Variants in FBN2 observed in about 807,000 individuals in gnomAD.
FBN2 encodes the protein fibrillin 2.
A neutral mutation model predicts 355.6 loss-of-function variants in FBN2; 105 were observed. The observed-to-expected ratio is 0.30, with a 90% CI of 0.25 to 0.35. The LOEUF is 0.35. FBN2 is among the 10% of genes least tolerant of loss of function. The pLI is 1.00. For missense variants in FBN2, 3,280 were observed against 3,758.7 expected (o/e 0.87, Z 3.33); for synonymous variants, 1,350 against 1,301.2 (o/e 1.04, Z -0.81).
At chr5:128,363,465 C>A (rs1209590005) in intron 18 of FBN2, among the ~76,000 whole-genome samples, 1 of 152,128 alleles carries the variant, frequency 6.6e-6, no homozygotes, top group East Asian at 1.9e-4. Context: ...ACTAGGATTA[C>A]AGGAGTGAGC....
chr5:128,418,544 T>A (rs1753264432), intron 7 of FBN2, among the ~76,000 whole-genome samples: 1 of 152,152 alleles, frequency 6.6e-6, no homozygotes, highest in African/African-American at 2.4e-5. Context: ...TATGTTGCGT[T>A]TCCATTGTCA....
At chr5:128,502,912 GAGA>G (rs1487359031) in intron 5 of FBN2, among the ~76,000 whole-genome samples, 2 of 152,142 alleles carry the variant, frequency 1.3e-5, no homozygotes, top group South Asian at 2.1e-4. Context: ...TTAACTCTTT[GAGA>G]AGAAGTGATA....
chr5:128,294,157 G>C (rs1417134965), intron 48 of FBN2, among the ~76,000 whole-genome samples: 1 of 152,134 alleles, frequency 6.6e-6, no homozygotes, highest in African/African-American at 2.4e-5. Context: ...TCCTTACAAA[G>C]GACATGAACT....
At chr5:128,295,343 T>C (rs1749472836) in intron 48 of FBN2, among the ~76,000 whole-genome samples, 1 of 151,798 alleles carries the variant, frequency 6.6e-6, no homozygotes. Flanking sequence ...CCATATGAAC[T>C]TTAAAGTAGT....
rs111444364 is a variant in FBN2, at chr5:128,324,138, C to G, written c.4471+4558G>C. Among the ~76,000 whole-genome samples, 123 of 151,890 alleles carry G rather than the reference C, an allele frequency of 8.1e-4. 2 individuals are homozygous for G. Among genetic ancestry groups the G allele is most frequent in the Middle Eastern group, 6.8e-3 (2 of 294 alleles). ...TTTCTGTGTGATCAGTGGTGATATC[C>G]CCCCCTTTATCATTTTTTATTGTGT... On this transcript the variant is annotated intron_variant, in intron 34 of 64. Coordinates refer to ENST00000262464, the MANE Select transcript of FBN2 (RefSeq NM_001999.4).
At chr5:128,266,600 T>A (rs752945462) in intron 62 of FBN2, among the ~76,000 whole-genome samples, 2 of 152,168 alleles carry the variant, frequency 1.3e-5, no homozygotes, top group South Asian at 4.1e-4. Context: ...TTGTGCTAGG[T>A]GTTCAGAAAC....
chr5:128,536,402 G>T lies in FBN2; in HGVS notation c.337C>A (p.Pro113Thr), dbSNP rs1215231044. The T allele has an allele frequency of 6.2e-7, 1 of 1,613,320 alleles. No individual in the cohort carries two copies. The highest frequency in any genetic ancestry group is 1.3e-5 in the African/African-American group (1 of 74,890). The change falls in exon 2 of 65, where the codon CCG (proline) becomes ACG (threonine). Residue 113 changes from proline (P) to threonine (T), a missense_variant and splice_region_variant. Pro to Thr is a conservative substitution (Grantham distance 38, BLOSUM62 -1). This residue lies in a region of FBN2 where 130 missense variants were observed against 189.9 expected (regional missense o/e 0.68). Transcript: ENST00000262464. ...GCTGCGATCCCTGCCAAGCACTCAC[G>T]GACAATGCACTGGTTTCCTCCAGGG... Reference protein sequence around the residue: ...TLPGGNQCIVPICRNSCGDGF... With the variant: ...TLPGGNQCIVTICRNSCGDGF...
chr5:128,519,203 A>C, intron 5 of FBN2, 70 bp downstream of exon 5: 2 of 1,049,564 alleles, frequency 1.9e-6, no homozygotes, highest in Non-Finnish European at 2.9e-6. Context: ...TTCATTGAAT[A>C]GCAAAAAATT....
intron 7 of FBN2, among the ~76,000 whole-genome samples, chr5:128,418,786 T>C (rs990396228): frequency 2.6e-5 from 4 of 152,204 alleles, no homozygotes; most frequent in African/African-American, 9.6e-5. Flanking sequence ...ACCTAACATA[T>C]GGTCTCTATC....
chr5:128,487,849 T>C (rs1230510948), intron 5 of FBN2, among the ~76,000 whole-genome samples: 2 of 152,180 alleles, frequency 1.3e-5, no homozygotes, highest in Non-Finnish European at 2.9e-5. Context: ...ATATAAACTA[T>C]ATATTTCACA....
intron 30 of FBN2, 31 bp from the exon 31 acceptor site, chr5:128,334,875 G>C (rs754321400): frequency 6.3e-7 from 1 of 1,578,036 alleles, no homozygotes; most frequent in South Asian, 1.1e-5. Context: ...ATCTTAGTAT[G>C]TGCTCATCAC....
At chr5:128,375,708 G>T (rs1752061848) in intron 14 of FBN2, among the ~76,000 whole-genome samples, 1 of 152,036 alleles carries the variant, frequency 6.6e-6, no homozygotes, top group South Asian at 2.1e-4. Context: ...ATCATTGATG[G>T]AGTTAATTTT....
chr5:128,443,066 T>C (rs1362623063), intron 7 of FBN2, among the ~76,000 whole-genome samples: 1 of 152,164 alleles, frequency 6.6e-6, no homozygotes, highest in Non-Finnish European at 1.5e-5. Flanking sequence ...TAAGAAGACA[T>C]CACAGTGAAT....
intron 6 of FBN2, among the ~76,000 whole-genome samples, chr5:128,456,105 T>G (rs563075477): frequency 8.4e-4 from 125 of 148,294 alleles, no homozygotes; most frequent in Non-Finnish European, 1.3e-3. Flanking sequence ...GCTTTTCCCC[T>G]GCTGGAGCCA....
At position 128,336,639 on chromosome 5, in the gene FBN2, C is replaced by A. The variant is rs368958348; in HGVS notation, c.3599-526G>T. 1.3e-5 allele frequency among the ~76,000 whole-genome samples: 2 copies of A among 152,172 alleles called. 1 individual carries two copies. Among genetic ancestry groups the A allele is most frequent in the South Asian group, 4.1e-4 (2 of 4,822 alleles). ...ACAAGACAGAGGCATGACAATAGGGCCCTCATGTATTTAATTGTTTACACT... is the reference window on the plus strand; with the variant it reads ...ACAAGACAGAGGCATGACAATAGGGACCTCATGTATTTAATTGTTTACACT... On this transcript the variant is annotated intron_variant, in intron 27 of 64. Coordinates refer to ENST00000262464, the MANE Select transcript of FBN2 (RefSeq NM_001999.4).
chr5:128,372,038 CAAT>C lies in FBN2; in HGVS notation c.2095+2587_2095+2589del, dbSNP rs575732582. Among the ~76,000 whole-genome samples the C allele has an allele frequency of 2.6e-3, 392 of 152,198 alleles. 4 individuals carry two copies. The highest frequency in any genetic ancestry group is 5.3e-3 in the African/African-American group (222 of 41,526). ...TGATACCACTATTCTAATTTAATAA[CAAT>C]AATATCAGTAGTAGTTAACTTATTG... On this transcript the variant is annotated intron_variant, in intron 15 of 64. Coordinates refer to ENST00000262464, the MANE Select transcript of FBN2 (RefSeq NM_001999.4).
Position 128,380,450 on chromosome 5 carries a change from T to A in FBN2, c.1604-1560A>T, listed in dbSNP as rs764447722. ...TAGGTAAAGTTTCAGGAAAGCCACT[T>A]CTGCAGGACTGTTTTCTCCCCTGGA... On this transcript the variant is annotated intron_variant, in intron 11 of 64. Coordinates refer to ENST00000262464, the MANE Select transcript of FBN2 (RefSeq NM_001999.4). Among the ~76,000 whole-genome samples the A allele has an allele frequency of 3.4e-4, 51 of 152,078 alleles. 1 individual carries two copies. Among genetic ancestry groups the A allele is most frequent in the Non-Finnish European group, 6.0e-4 (41 of 67,976 alleles).
At chr5:128,289,667 T>C (rs1175169691) in intron 51 of FBN2, among the ~76,000 whole-genome samples, 2 of 152,136 alleles carry the variant, frequency 1.3e-5, no homozygotes, top group Non-Finnish European at 2.9e-5. Flanking sequence ...GACTTGTAAA[T>C]ACTTCTTTTG....
At chr5:128,358,788 T>C (rs1450457316) in intron 19 of FBN2, among the ~76,000 whole-genome samples, 1 of 152,092 alleles carries the variant, frequency 6.6e-6, no homozygotes, top group African/African-American at 2.4e-5. Flanking sequence ...ATTCTCCTAT[T>C]AATTTCATTT....
Sources: allele counts gnomAD v4.1 joint callset (sites outside exome capture counted in the v4.1 genomes callset), GRCh38; gene constraint gnomAD v4.1.1; regional missense constraint gnomAD v4.1.1; transcripts MANE v1.5; gene names NCBI Gene and HGNC (gene_info 2026-07-23, HGNC 2026-07-21).